SMN2: variants seen among roughly 807,000 people sequenced by gnomAD.
SMN2 encodes the protein survival motor neuron protein.
In SMN2, 1 loss-of-function variant was observed where a neutral mutation model predicts 2.8. The ratio of observed to expected loss-of-function variants is 0.35; its 90% CI spans 0.13 to 1.68. The LOEUF (loss-of-function observed/expected upper bound fraction) is 1.68. SMN2 is among the 40% of genes most tolerant of loss of function. The pLI is 0.35. For synonymous variants in SMN2, 5 were observed against 5.0 expected (o/e 0.99, Z 0.01); for missense variants, 12 against 16.9 (o/e 0.71, Z 0.51).
chr5:70,079,894 CT>C (rs1208876534), downstream of SMN2, among the ~76,000 whole-genome samples: 1 of 97,698 alleles, frequency 1.0e-5, no homozygotes, highest in Non-Finnish European at 1.9e-5. Context: ...TCAAGCCATT[CT>C]CCCACCTCGG....
At chr5:70,082,589 T>TG (rs1170512787), downstream of SMN2, among the ~76,000 whole-genome samples, 2 of 127,618 alleles carry the variant, frequency 1.6e-5, no homozygotes, top group African/African-American at 7.6e-5. Flanking sequence ...GGTTTAGTCT[T>TG]GGGAGGGTGT....
chr5:70,084,519 T>C, the SMN2 span, among the ~76,000 whole-genome samples: 36 of 137,634 alleles, frequency 2.6e-4, 7 homozygotes, highest in Non-Finnish European at 1.5e-5. Flanking sequence ...GTTTGCTAAA[T>C]TGTTTTCAGT....
Position 70,077,564 on chromosome 5 carries a change from A to G in SMN2, c.*549A>G. ...CTATCTTCTATATGTTTAAAAGTAT[A>G]TAATAAAAATATTTAATTTTTTTTT... On this transcript the variant is annotated 3_prime_UTR_variant, in exon 9 of 9. Coordinates refer to ENST00000380743, the MANE Select transcript of SMN2 (RefSeq NM_017411.4). The G allele has an allele frequency of 1.1e-5, 1 of 89,716 alleles. No individual in the cohort carries two copies. The highest frequency in any genetic ancestry group is 2.5e-4 in the East Asian group (1 of 4,058). The allele number at this position is 89,716 out of a possible 1,614,324, so 5.6% of individuals were successfully genotyped here.
intron 1 of SMN2, among the ~76,000 whole-genome samples, chr5:70,052,266 G>A (rs1335161911): frequency 0.097 from 10,447 of 108,154 alleles, 818 homozygotes; most frequent in African/African-American, 0.33. Context: ...GGATCGGCCG[G>A]GCGCTGTGGC....
At chr5:70,074,658 A>G (rs1774686055) in intron 7 of SMN2, among the ~76,000 whole-genome samples, 1 of 115,942 alleles carries the variant, frequency 8.6e-6, no homozygotes, top group Admixed American at 9.1e-5. Flanking sequence ...AAAAAAAAAT[A>G]AGGTATAAGC....
chr5:70,076,154 C>A (rs212217), intron 7 of SMN2, among the ~76,000 whole-genome samples: 74,110 of 105,278 alleles, frequency 0.7, 30,128 homozygotes, highest in East Asian at 0.93. Context: ...TGTGCCTAGC[C>A]TGAGCCACCA....
the SMN2 span, among the ~76,000 whole-genome samples, chr5:70,088,469 G>C: frequency 1.9e-5 from 1 of 53,738 alleles, no homozygotes; most frequent in East Asian, 6.8e-4. Context: ...ACGGAGTCTT[G>C]CTCTGTCGCC....
the SMN2 span, among the ~76,000 whole-genome samples, chr5:70,088,424 CTTTTTTTTTTTTT>C: frequency 8.2e-5 from 3 of 36,642 alleles, no homozygotes; most frequent in Non-Finnish European, 8.4e-5. Context: ...AAGTTTCAAA[CTTTTTTTTTTTTT>C]TTTTTTTTTT....
At chr5:70,083,661 A>G in the SMN2 span, among the ~76,000 whole-genome samples, 1 of 134,372 alleles carries the variant, frequency 7.4e-6, no homozygotes, top group Admixed American at 7.4e-5. Flanking sequence ...AGGGACATGG[A>G]TGAAATTGGA....
downstream of SMN2, among the ~76,000 whole-genome samples, chr5:70,079,815 T>A: frequency 2.1e-5 from 1 of 48,496 alleles, no homozygotes; most frequent in Middle Eastern, 5.4e-3. Context: ...TCTGCTTCTG[T>A]ACACTTTTTT....
chr5:70,071,510 TA>T (rs1462666729), intron 7 of SMN2: 33 of 125,146 alleles, frequency 2.6e-4, no homozygotes, highest in East Asian at 2.3e-3. Flanking sequence ...TATTTTATTT[TA>T]TTTTATTTTT....
Position 70,074,896 on chromosome 5 carries a change from G to T in SMN2, c.835-1625G>T, listed in dbSNP as rs1447977932. ...AATCCCAGCTACTTGGGAGGCTGAG[G>T]CAGGAGAATTGCTTGAACCGAGAAG... On this transcript the variant is annotated intron_variant, in intron 7 of 8. Coordinates refer to ENST00000380743, the MANE Select transcript of SMN2 (RefSeq NM_017411.4). Among the ~76,000 whole-genome samples the T allele has an allele frequency of 2.4e-5, 3 of 124,942 alleles. 1 individual carries two copies. Among genetic ancestry groups the T allele is most frequent in the African/African-American group, 9.6e-5 (3 of 31,154 alleles). 82.0% of individuals were successfully genotyped at this position (124,942 alleles called of 152,430 possible). A position where few individuals can be genotyped will look rare whatever the true frequency, so the allele number is the denominator to read the frequency against.
the SMN2 span, among the ~76,000 whole-genome samples, chr5:70,088,408 G>A: frequency 1.0e-5 from 1 of 99,556 alleles, no homozygotes; most frequent in Non-Finnish European, 1.9e-5. Context: ...ACAGGAAAAT[G>A]AGGGTAAGTT....
Position 70,077,290 on chromosome 5 carries a change from T to G in SMN2, c.*275T>G. 3.7e-6 allele frequency: 1 copy of G among 272,310 alleles called. No individual in the cohort carries two copies. The highest frequency in any genetic ancestry group is 6.8e-6 in the Non-Finnish European group (1 of 146,296). 16.9% of individuals were successfully genotyped at this position (272,310 alleles called of 1,614,324 possible). A position where few individuals can be genotyped will look rare whatever the true frequency, so the allele number is the denominator to read the frequency against. ...GGAGGCCAGCACGGTGGTGAGGCAGTTGAGAAAATTTGAATGTGGATTAGA... is the reference window on the plus strand; with the variant it reads ...GGAGGCCAGCACGGTGGTGAGGCAGGTGAGAAAATTTGAATGTGGATTAGA... On this transcript the variant is annotated 3_prime_UTR_variant, in exon 9 of 9. Coordinates refer to ENST00000380743, the MANE Select transcript of SMN2 (RefSeq NM_017411.4).
the SMN2 span, among the ~76,000 whole-genome samples, chr5:70,085,398 C>T: frequency 6.7e-5 from 9 of 134,900 alleles, 2 homozygotes; most frequent in African/African-American, 2.9e-4. Context: ...CCCGCCACTG[C>T]ACCCAGCGTA....
At chr5:70,080,190 G>T (rs1325039890), downstream of SMN2, among the ~76,000 whole-genome samples, 2 of 129,786 alleles carry the variant, frequency 1.5e-5, no homozygotes, top group Non-Finnish European at 3.2e-5. Context: ...AATTAGCTCG[G>T]CATGGTGGTG....
At chr5:70,079,360 A>AG (rs1394646974), downstream of SMN2, among the ~76,000 whole-genome samples, 1 of 126,322 alleles carries the variant, frequency 7.9e-6, no homozygotes, top group Non-Finnish European at 1.6e-5. Context: ...TGAACCCGGG[A>AG]GGTGGAGGTT....
chr5:70,080,768 A>AGC (rs1461233928), downstream of SMN2, among the ~76,000 whole-genome samples: 2 of 134,062 alleles, frequency 1.5e-5, no homozygotes, highest in Non-Finnish European at 3.1e-5. Flanking sequence ...TCTGGATATT[A>AGC]GCCCTTTGTC....
chr5:70,052,200 A>T (rs1180280585), intron 1 of SMN2, among the ~76,000 whole-genome samples: 4 of 141,960 alleles, frequency 2.8e-5, no homozygotes, highest in Admixed American at 2.1e-4. Context: ...CAAAAAAAAA[A>T]AAAAAGAAAG....
Sources: allele counts gnomAD v4.1 joint callset (sites outside exome capture counted in the v4.1 genomes callset), GRCh38; gene constraint gnomAD v4.1.1; transcripts MANE v1.5; gene names NCBI Gene and HGNC (gene_info 2026-07-23, HGNC 2026-07-21).